Variants in XPO6 observed in about 807,000 individuals in gnomAD.
XPO6 encodes the protein exportin-6.
A neutral mutation model predicts 130.0 loss-of-function variants in XPO6; 3 were observed. The ratio of observed to expected loss-of-function variants is 0.02; its 90% CI spans 0.01 to 0.06. The LOEUF is 0.06. XPO6 is among the 10% of genes least tolerant of loss of function. The pLI is 1.00. For synonymous variants in XPO6, 524 were observed against 548.9 expected (o/e 0.95, Z 0.63); for missense variants, 970 against 1,393.0 (o/e 0.70, Z 4.83).
chr16:28,151,208 T>G (rs1035466050), intron 8 of XPO6, among the ~76,000 whole-genome samples: 5 of 138,288 alleles, frequency 3.6e-5, no homozygotes, highest in Non-Finnish European at 6.2e-5. Flanking sequence ...AGGCTACTTC[T>G]AAAATCAAAT....
In XPO6 at chr16:28,211,492, C is replaced by T; in HGVS notation, c.-124G>A. 9 of 1,162,194 alleles carry T rather than the reference C, an allele frequency of 7.7e-6. No individual in the cohort carries two copies. The highest frequency in any genetic ancestry group is 1.0e-5 in the Non-Finnish European group (9 of 903,510). The allele number at this position is 1,162,194 out of a possible 1,614,324, so 72.0% of individuals were successfully genotyped here. On this transcript the variant is annotated 5_prime_UTR_variant, in exon 1 of 24. Coordinates refer to ENST00000304658, the MANE Select transcript of XPO6 (RefSeq NM_015171.4). ...TCCCCCACCCATGCAAAGACAACCC[C>T]TTCCCCACCGGGCCCCGAGGGGACC...
intron 17 of XPO6, among the ~76,000 whole-genome samples, chr16:28,109,938 T>C (rs538004475): frequency 2.0e-5 from 3 of 152,360 alleles, no homozygotes; most frequent in East Asian, 1.9e-4. Flanking sequence ...AAAAAGTGTG[T>C]TGCAGAAAAA....
chr16:28,113,257 C>T (rs923164374), intron 15 of XPO6, among the ~76,000 whole-genome samples: 2 of 152,222 alleles, frequency 1.3e-5, no homozygotes, highest in African/African-American at 4.8e-5. Context: ...CAGCCATTAT[C>T]ACCTCCTCCC....
intron 14 of XPO6, 118 bp from the exon 15 acceptor site, chr16:28,117,580 G>A (rs1391013421): frequency 5.0e-6 from 6 of 1,206,270 alleles, no homozygotes; most frequent in Non-Finnish European, 6.9e-6. Context: ...TAAGACATGG[G>A]CAACAGCATA....
intron 14 of XPO6, among the ~76,000 whole-genome samples, chr16:28,120,793 C>T (rs1192075879): frequency 2.0e-5 from 3 of 152,336 alleles, no homozygotes; most frequent in East Asian, 3.9e-4. Context: ...AGTCGGCAGA[C>T]CTTTTCTGTA....
At chr16:28,182,554 G>A (rs1396078779) in intron 1 of XPO6, among the ~76,000 whole-genome samples, 2 of 152,156 alleles carry the variant, frequency 1.3e-5, no homozygotes, top group East Asian at 3.8e-4. Flanking sequence ...TTTCTTCCCT[G>A]AACTTTGTAT....
Position 28,132,284 on chromosome 16 carries a change from C to T in XPO6, c.1606+50G>A, listed in dbSNP as rs1283769813. 18 of 1,384,882 alleles carry T rather than the reference C, an allele frequency of 1.3e-5. No homozygotes were observed. The highest frequency in any genetic ancestry group is 1.7e-5 in the Non-Finnish European group (17 of 988,084). The allele number at this position is 1,384,882 out of a possible 1,614,324, so 85.8% of individuals were successfully genotyped here. On this transcript the variant is annotated intron_variant, in intron 12 of 23. Transcript: ENST00000304658. The surrounding 1 kb of genome is among the most constrained non-coding windows in gnomAD (Gnocchi z 4.0). ...CGGCAGCAGTAATGAAATATCAGTC[C>T]GATGGTTTTTTGAATGTTTGGTTAA...
chr16:28,162,749 TCTCA>T (rs1239031043), intron 6 of XPO6, among the ~76,000 whole-genome samples: 1 of 151,220 alleles, frequency 6.6e-6, no homozygotes, highest in Non-Finnish European at 1.5e-5. Context: ...AGAGATGGGG[TCTCA>T]CTATGTTGCC....
rs1389212044 is a variant in XPO6, at chr16:28,181,252, C to G, written c.4-221G>C. ...TTGCATCCTCTATAAATTCATGCTA[C>G]TGTGCAGCTGATTTTCAATTATGTA... On this transcript the variant is annotated intron_variant, in intron 1 of 23. Coordinates refer to ENST00000304658, the MANE Select transcript of XPO6 (RefSeq NM_015171.4). 5 of 437,032 alleles carry G rather than the reference C, an allele frequency of 1.1e-5. 1 individual carries two copies. In the South Asian group the frequency reaches 1.8e-4, roughly 16 times the overall value. The allele number at this position is 437,032 out of a possible 1,614,324, so 27.1% of individuals were successfully genotyped here.
At chr16:28,125,164 G>A (rs33046) in intron 13 of XPO6, among the ~76,000 whole-genome samples, 8,203 of 152,220 alleles carry the variant, frequency 0.054, 569 homozygotes, top group East Asian at 0.17. Context: ...CGGGCCAGGC[G>A]TGGAGGCTAC....
intron 1 of XPO6, among the ~76,000 whole-genome samples, chr16:28,197,966 A>T (rs1179356731): frequency 3.9e-4 from 31 of 80,232 alleles, no homozygotes; most frequent in Middle Eastern, 4.8e-3. Context: ...AAGTTTATTA[A>T]AAAAAAAAAA....
intron 4 of XPO6, among the ~76,000 whole-genome samples, chr16:28,175,650 T>G (rs1161661017): frequency 6.6e-6 from 1 of 150,552 alleles, no homozygotes; most frequent in African/African-American, 2.5e-5. Flanking sequence ...TAACAGGCTT[T>G]CAAATACTGG....
intron 9 of XPO6, among the ~76,000 whole-genome samples, chr16:28,144,431 T>C (rs1048237390): frequency 6.6e-6 from 1 of 152,210 alleles, no homozygotes; most frequent in African/African-American, 2.4e-5. Flanking sequence ...ACAAGGAGTC[T>C]CACTATGTTC....
chr16:28,163,839 G>A (rs888575743), intron 6 of XPO6, among the ~76,000 whole-genome samples: 1 of 152,142 alleles, frequency 6.6e-6, no homozygotes, highest in South Asian at 2.1e-4. Context: ...GTTCTGGTAG[G>A]GGTTCATGTC....
At position 28,107,626 on chromosome 16, in the gene XPO6, T is replaced by G. The variant is rs1392468832; in HGVS notation, c.2393A>C (p.Asn798Thr). ...AGACTTGGTGGACTCCCCCGAGATATTCTCCACAATATCTTCTAAGACGCT... is the reference window on the plus strand; with the variant it reads ...AGACTTGGTGGACTCCCCCGAGATAGTCTCCACAATATCTTCTAAGACGCT... ...TLSVLEDIVE[N>T]ISGESTKSRQ... The change falls in exon 18 of 24, where the codon AAT becomes ACT. Residue 798 changes from asparagine to threonine, a missense_variant. By Grantham distance (65) the Asn-to-Thr change is moderately conservative. Coordinates refer to ENST00000304658, the MANE Select transcript of XPO6 (RefSeq NM_015171.4). 1.2e-6 allele frequency: 2 copies of G among 1,614,164 alleles called. No individual in the cohort carries two copies. Among genetic ancestry groups the G allele is most frequent in the South Asian group, 1.1e-5 (1 of 91,078 alleles).
At chr16:28,167,501 C>A (rs1482279146) in intron 5 of XPO6, among the ~76,000 whole-genome samples, 1 of 152,196 alleles carries the variant, frequency 6.6e-6, no homozygotes, top group Non-Finnish European at 1.5e-5. Flanking sequence ...CTCCCAATTT[C>A]AACATCACCT....
At chr16:28,117,675 G>C (rs2087104407) in intron 14 of XPO6, among the ~76,000 whole-genome samples, 2 of 152,172 alleles carry the variant, frequency 1.3e-5, no homozygotes, top group Non-Finnish European at 2.9e-5. Flanking sequence ...AGCACAGAAG[G>C]CAGTTAGTCA....
At chr16:28,181,438 T>G (rs1480427744) in intron 1 of XPO6, among the ~76,000 whole-genome samples, 1 of 152,106 alleles carries the variant, frequency 6.6e-6, no homozygotes, top group Non-Finnish European at 1.5e-5. Flanking sequence ...TCTGAATAAT[T>G]TGTCATATTT....
At position 28,132,200 on chromosome 16, in the gene XPO6, G is replaced by A. The variant is rs547305541; in HGVS notation, c.1606+134C>T. 5.4e-5 allele frequency: 38 copies of A among 698,044 alleles called. No individual in the cohort carries two copies. Among genetic ancestry groups the A allele is most frequent in the Non-Finnish European group, 7.7e-5 (31 of 404,976 alleles). 43.2% of individuals were successfully genotyped at this position (698,044 alleles called of 1,614,324 possible). ...AGCCTTTAAAAACGTTCCCTGTTTCGAAGTGGGGAGAGATGCCAGTGGGGA... is the reference window on the plus strand; with the variant it reads ...AGCCTTTAAAAACGTTCCCTGTTTCAAAGTGGGGAGAGATGCCAGTGGGGA... On this transcript the variant is annotated intron_variant, in intron 12 of 23. Coordinates refer to ENST00000304658, the MANE Select transcript of XPO6 (RefSeq NM_015171.4). This position sits in a 1 kb window ranked among gnomAD's most constrained non-coding sequence, Gnocchi z 4.0.
Sources: allele counts gnomAD v4.1 joint callset (sites outside exome capture counted in the v4.1 genomes callset), GRCh38; gene constraint gnomAD v4.1.1; non-coding constraint Gnocchi (gnomAD v3.1); transcripts MANE v1.5; gene names NCBI Gene and HGNC (gene_info 2026-07-23, HGNC 2026-07-21).